LRP1B: variants seen among roughly 807,000 people sequenced by gnomAD.
The protein encoded by LRP1B is low-density lipoprotein receptor-related protein 1B.
In LRP1B, 217 loss-of-function variants were observed where a neutral mutation model predicts 556.6. That is an observed-to-expected ratio of 0.39 (90% CI 0.35 to 0.44). The LOEUF (loss-of-function observed/expected upper bound fraction) is 0.44. Ranked by LOEUF, LRP1B falls within the 20% of genes least tolerant of loss-of-function variation. The pLI is 1.00. For synonymous variants in LRP1B, 2,047 were observed against 1,865.8 expected (o/e 1.10, Z -2.50); for missense variants, 5,053 against 5,620.8 (o/e 0.90, Z 3.23).
chr2:141,787,005 A>G (rs1558874775), intron 2 of LRP1B, among the ~76,000 whole-genome samples: 1 of 151,944 alleles, frequency 6.6e-6, no homozygotes, highest in Non-Finnish European at 1.5e-5. Context: ...TGGTCATGTT[A>G]CAATGTTATG....
chr2:141,202,354 G>GC (rs1682068661), intron 6 of LRP1B, among the ~76,000 whole-genome samples: 1 of 152,126 alleles, frequency 6.6e-6, no homozygotes, highest in Non-Finnish European at 1.5e-5. Context: ...CTTTGCTATT[G>GC]TGAATAGTTC....
intron 5 of LRP1B, among the ~76,000 whole-genome samples, chr2:141,237,304 C>G (rs1400320186): frequency 6.6e-6 from 1 of 150,496 alleles, no homozygotes; most frequent in Non-Finnish European, 1.5e-5. Flanking sequence ...GCACATTAGT[C>G]CAATGGCTAA....
chr2:141,676,961 T>A (rs1690907179), intron 2 of LRP1B, among the ~76,000 whole-genome samples: 1 of 152,168 alleles, frequency 6.6e-6, no homozygotes, highest in African/African-American at 2.4e-5. Flanking sequence ...TTTATATAAC[T>A]ATAGTCTGTG....
At chr2:140,662,751 T>C (rs1685140326) in intron 41 of LRP1B, among the ~76,000 whole-genome samples, 1 of 152,090 alleles carries the variant, frequency 6.6e-6, no homozygotes, top group East Asian at 1.9e-4. Flanking sequence ...TCAAGTAAAA[T>C]TCATGAAACA....
chr2:141,282,978 C>T (rs905146219), intron 3 of LRP1B, among the ~76,000 whole-genome samples: 40 of 152,044 alleles, frequency 2.6e-4, no homozygotes, highest in African/African-American at 9.7e-4. Flanking sequence ...TCATTTGTCT[C>T]CTCTCCTAGA....
At chr2:141,347,693 A>G (rs1688303208) in intron 3 of LRP1B, among the ~76,000 whole-genome samples, 1 of 152,016 alleles carries the variant, frequency 6.6e-6, no homozygotes, top group South Asian at 2.1e-4. Flanking sequence ...AAAAAGTAGC[A>G]GTACCCTAGA....
chr2:141,379,460 C>T (rs1022924535), intron 3 of LRP1B, among the ~76,000 whole-genome samples: 6 of 152,106 alleles, frequency 3.9e-5, no homozygotes, highest in East Asian at 3.9e-4. Context: ...CAGAGCTACA[C>T]GTAGTTCAAT....
chr2:141,208,851 A>C (rs1009284161), intron 6 of LRP1B, among the ~76,000 whole-genome samples: 15 of 118,352 alleles, frequency 1.3e-4, no homozygotes, highest in Non-Finnish European at 2.1e-4. Context: ...CCTGGGCAAT[A>C]AAGCGAGATT....
intron 3 of LRP1B, among the ~76,000 whole-genome samples, chr2:141,413,454 A>G (rs540975959): frequency 3.9e-5 from 6 of 152,272 alleles, no homozygotes; most frequent in Non-Finnish European, 5.9e-5. Context: ...AAAGGCAAGG[A>G]AACAGATTCC....
chr2:140,748,146 ATAT>A (rs1383251360), intron 35 of LRP1B, among the ~76,000 whole-genome samples: 3 of 135,884 alleles, frequency 2.2e-5, no homozygotes, highest in Non-Finnish European at 4.7e-5. Flanking sequence ...TAATTCATAT[ATAT>A]GTGTGTATAT....
chr2:141,136,132 A>C (rs911515292), intron 7 of LRP1B, among the ~76,000 whole-genome samples: 1 of 151,932 alleles, frequency 6.6e-6, no homozygotes, highest in Non-Finnish European at 1.5e-5. Flanking sequence ...ATAAAAGGAC[A>C]TAGGCTATAT....
intron 3 of LRP1B, among the ~76,000 whole-genome samples, chr2:141,360,013 A>G (rs1429826300): frequency 6.6e-6 from 1 of 152,090 alleles, no homozygotes; most frequent in Admixed American, 6.6e-5. Context: ...GATACACAAA[A>G]CCAAATCAGT....
At chr2:142,015,836 C>CA (rs1326154816) in intron 1 of LRP1B, among the ~76,000 whole-genome samples, 1 of 151,142 alleles carries the variant, frequency 6.6e-6, no homozygotes, top group Non-Finnish European at 1.5e-5. Flanking sequence ...TACTAAAATA[C>CA]AAAAAATTAG....
intron 7 of LRP1B, among the ~76,000 whole-genome samples, chr2:141,137,807 C>G (rs1383824828): frequency 2.0e-5 from 3 of 151,630 alleles, no homozygotes; most frequent in African/African-American, 7.3e-5. Flanking sequence ...GGAAAACATT[C>G]AATGGGATAT....
At chr2:141,020,453 TAA>T (rs1361085184) in intron 11 of LRP1B, among the ~76,000 whole-genome samples, 2 of 152,044 alleles carry the variant, frequency 1.3e-5, no homozygotes, top group Non-Finnish European at 2.9e-5. Context: ...AGCTTGAATA[TAA>T]GTGACAAATT....
intron 2 of LRP1B, among the ~76,000 whole-genome samples, chr2:141,485,584 T>C (rs1264717102): frequency 1.3e-5 from 2 of 152,096 alleles, no homozygotes; most frequent in Non-Finnish European, 2.9e-5. Context: ...AGCCAGGCAA[T>C]ATAGATATTT....
At chr2:140,345,716 GTATA>G (rs909467237) in intron 77 of LRP1B, among the ~76,000 whole-genome samples, 5 of 137,406 alleles carry the variant, frequency 3.6e-5, no homozygotes, top group African/African-American at 1.1e-4. Flanking sequence ...ACTCATATAT[GTATA>G]TATATACACA....
intron 2 of LRP1B, among the ~76,000 whole-genome samples, chr2:141,604,112 T>C (rs910435335): frequency 6.6e-6 from 1 of 152,228 alleles, no homozygotes; most frequent in East Asian, 1.9e-4. Context: ...ATGAAATGTA[T>C]ATCGATGGAT....
intron 2 of LRP1B, among the ~76,000 whole-genome samples, chr2:141,538,547 G>T (rs1015599375): frequency 2.6e-5 from 4 of 151,948 alleles, no homozygotes; most frequent in African/African-American, 9.7e-5. Context: ...GAATACAGAT[G>T]GGCCAGTGAT....
Sources: gnomAD v4.1 joint callset for allele counts (sites outside exome capture counted in the v4.1 genomes callset) on GRCh38, gnomAD v4.1.1 for gene constraint, MANE v1.5 for transcripts, NCBI Gene and HGNC (gene_info 2026-07-23, HGNC 2026-07-21) for gene names.